DPYD: variants seen among roughly 807,000 people sequenced by gnomAD.
The protein encoded by DPYD is dihydropyrimidine dehydrogenase.
DPYD carries 109 observed loss-of-function variants against 116.2 expected under a neutral mutation model. That is an observed-to-expected ratio of 0.94 (90% CI 0.80 to 1.10). The LOEUF (loss-of-function observed/expected upper bound fraction) is 1.10, where lower values mean the gene tolerates loss of function less well. Ranked by LOEUF, DPYD falls within the 50% of genes least tolerant of loss-of-function variation. The probability of loss-of-function intolerance (pLI) is 0.00; values close to 1 mark genes in which losing one functional copy is unlikely to be tolerated. For missense variants in DPYD, 1,302 were observed against 1,254.5 expected (o/e 1.04, Z -0.57); for synonymous variants, 440 against 432.0 (o/e 1.02, Z -0.23).
chr1:97,525,704 C>T (rs1274137713), intron 12 of DPYD, among the ~76,000 whole-genome samples: 1 of 149,336 alleles, frequency 6.7e-6, no homozygotes, highest in Non-Finnish European at 1.5e-5. Context: ...TGATTTTAGG[C>T]CAGTCTCTCC....
At chr1:97,816,791 T>A (rs1668632297) in intron 3 of DPYD, among the ~76,000 whole-genome samples, 1 of 152,174 alleles carries the variant, frequency 6.6e-6, no homozygotes, top group South Asian at 2.1e-4. Flanking sequence ...ATCACACTAA[T>A]TACTTGAAAG....
At chr1:97,090,225 T>C (rs1649808521) in intron 21 of DPYD, among the ~76,000 whole-genome samples, 1 of 152,142 alleles carries the variant, frequency 6.6e-6, no homozygotes, top group South Asian at 2.1e-4. Context: ...ACATACTGAT[T>C]TGCTTGAAAT....
At chr1:97,434,520 T>C (rs1408339101) in intron 14 of DPYD, among the ~76,000 whole-genome samples, 1 of 152,020 alleles carries the variant, frequency 6.6e-6, no homozygotes, top group Non-Finnish European at 1.5e-5. Flanking sequence ...CTATCCTATT[T>C]ACAATCCAGT....
chr1:97,137,700 C>A (rs993674526), intron 20 of DPYD, among the ~76,000 whole-genome samples: 1 of 152,196 alleles, frequency 6.6e-6, no homozygotes, highest in South Asian at 2.1e-4. Context: ...ATTTTGAGCA[C>A]TCAAGATGCG....
intron 3 of DPYD, among the ~76,000 whole-genome samples, chr1:97,781,785 AT>A (rs1335214857): frequency 1.3e-5 from 2 of 152,208 alleles, no homozygotes; most frequent in African/African-American, 2.4e-5. Context: ...GTCAACTCAC[AT>A]TTTTTCTATA....
intron 10 of DPYD, among the ~76,000 whole-genome samples, chr1:97,575,862 T>C (rs1013724581): frequency 6.6e-6 from 1 of 152,224 alleles, no homozygotes; most frequent in African/African-American, 2.4e-5. Context: ...TAAAGCAGAA[T>C]TTAGCATATA....
intron 8 of DPYD, among the ~76,000 whole-genome samples, chr1:97,620,476 A>G (rs1200633121): frequency 6.6e-6 from 1 of 152,106 alleles, no homozygotes; most frequent in Non-Finnish European, 1.5e-5. Context: ...TTGGCTTCCC[A>G]AAGTGTTAGG....
At chr1:97,545,609 C>A in intron 12 of DPYD, 2 of 558,512 alleles carry the variant, frequency 3.6e-6, no homozygotes, top group South Asian at 2.8e-5. Context: ...ATTCAGTGGA[C>A]TGCTGGATTA....
chr1:97,528,773 T>C (rs1417294700), intron 12 of DPYD, among the ~76,000 whole-genome samples: 1 of 152,304 alleles, frequency 6.6e-6, no homozygotes, highest in East Asian at 1.9e-4. Context: ...TTTGCCACTA[T>C]TATCTCTTAC....
At chr1:97,769,958 A>T (rs1472627826) in intron 3 of DPYD, among the ~76,000 whole-genome samples, 2 of 152,202 alleles carry the variant, frequency 1.3e-5, no homozygotes, top group Admixed American at 1.3e-4. Context: ...TTATAGAAGA[A>T]GAGATCCTTT....
chr1:97,540,889 G>C (rs1216546573), intron 12 of DPYD, among the ~76,000 whole-genome samples: 1 of 152,090 alleles, frequency 6.6e-6, no homozygotes, highest in East Asian at 1.9e-4. Flanking sequence ...AAAGATTTTA[G>C]GAGTTGTATG....
At chr1:97,684,734 A>G (rs1190221087) in intron 7 of DPYD, among the ~76,000 whole-genome samples, 2 of 152,184 alleles carry the variant, frequency 1.3e-5, no homozygotes, top group African/African-American at 4.8e-5. Flanking sequence ...CAAATAAACT[A>G]GAAAGTCTAG....
chr1:97,143,917 T>C (rs1055371986), intron 20 of DPYD, among the ~76,000 whole-genome samples: 1 of 152,154 alleles, frequency 6.6e-6, no homozygotes. Context: ...AGAAGAGTTG[T>C]TCACCAGCCA....
chr1:97,286,628 C>CT (rs1665704379), intron 18 of DPYD, among the ~76,000 whole-genome samples: 1 of 152,090 alleles, frequency 6.6e-6, no homozygotes, highest in Non-Finnish European at 1.5e-5. Flanking sequence ...TCTTTTTATT[C>CT]TTTTTTCTCT....
At chr1:97,711,420 C>T (rs148100155) in intron 5 of DPYD, among the ~76,000 whole-genome samples, 99 of 151,920 alleles carry the variant, frequency 6.5e-4, no homozygotes, top group African/African-American at 2.2e-3. Flanking sequence ...GCATACAGTA[C>T]TGAAAGTTAA....
chr1:97,395,566 A>T (rs991043136), intron 14 of DPYD, among the ~76,000 whole-genome samples: 4 of 152,046 alleles, frequency 2.6e-5, no homozygotes, highest in African/African-American at 9.7e-5. Flanking sequence ...TTCAATTTAC[A>T]TTAGAGATTC....
intron 18 of DPYD, among the ~76,000 whole-genome samples, chr1:97,284,444 T>A (rs1344631085): frequency 6.6e-6 from 1 of 152,130 alleles, no homozygotes; most frequent in East Asian, 1.9e-4. Context: ...TGGATACAGT[T>A]ATATAGTATA....
At chr1:97,751,770 C>T (rs1012498175) in intron 3 of DPYD, among the ~76,000 whole-genome samples, 2 of 20,858 alleles carry the variant, frequency 9.6e-5, no homozygotes, top group Non-Finnish European at 1.7e-4. Context: ...TCTCTAAAAA[C>T]GATTTTTTTT....
chr1:97,530,419 A>G (rs1174814433), intron 12 of DPYD, among the ~76,000 whole-genome samples: 8 of 151,646 alleles, frequency 5.3e-5, no homozygotes, highest in African/African-American at 7.3e-5. Flanking sequence ...GGTTTTCACC[A>G]TGTTAGCCAG....
Sources: gnomAD v4.1 joint callset for allele counts (sites outside exome capture counted in the v4.1 genomes callset) on GRCh38, gnomAD v4.1.1 for gene constraint, MANE v1.5 for transcripts, NCBI Gene and HGNC (gene_info 2026-07-23, HGNC 2026-07-21) for gene names.